TNR: variants seen among roughly 807,000 people sequenced by gnomAD.
The protein encoded by TNR is tenascin R.
In TNR, 45 loss-of-function variants were observed where a neutral mutation model predicts 150.4. The ratio of observed to expected loss-of-function variants is 0.30; its 90% CI spans 0.24 to 0.38. The LOEUF is 0.38. Among genes scored for constraint, TNR ranks in the 10% least tolerant of loss-of-function variants. TNR has a pLI of 1.00. For missense variants in TNR, 1,544 were observed against 1,759.1 expected, an observed-to-expected ratio of 0.88 and a Z score of 2.19; for synonymous variants, 687 against 678.4, an observed-to-expected ratio of 1.01 and a Z score of -0.20.
At chr1:175,486,074 G>A (rs1291158801) in intron 2 of TNR, among the ~76,000 whole-genome samples, 1 of 151,180 alleles carries the variant, frequency 6.6e-6, no homozygotes, top group Non-Finnish European at 1.5e-5. Flanking sequence ...GGTACAGGAT[G>A]GTTTTGGGAT....
intron 1 of TNR, among the ~76,000 whole-genome samples, chr1:175,582,415 A>T (rs945019777): frequency 3.3e-5 from 5 of 152,238 alleles, no homozygotes; most frequent in Non-Finnish European, 7.3e-5. Flanking sequence ...TTAGAGGAAG[A>T]AGTTCCTAAG....
chr1:175,713,601 C>T (rs1320268191), intron 1 of TNR, among the ~76,000 whole-genome samples: 1 of 152,188 alleles, frequency 6.6e-6, no homozygotes, highest in African/African-American at 2.4e-5. Flanking sequence ...CTTCTCATTG[C>T]CTGGCTTCAA....
intron 22 of TNR, 37 bp downstream of exon 22, chr1:175,324,319 T>G: frequency 6.2e-7 from 1 of 1,602,764 alleles, no homozygotes; most frequent in South Asian, 1.1e-5. Context: ...ATTCCACAGC[T>G]CTGGCTCATT....
chr1:175,355,731 C>A, intron 16 of TNR, 98 bp from the exon 17 acceptor site: 1 of 1,537,084 alleles, frequency 6.5e-7, no homozygotes, highest in South Asian at 1.2e-5. Flanking sequence ...TCTTTGGTCT[C>A]AGGATTGCTC....
chr1:175,676,532 T>G (rs2101906935), intron 1 of TNR, among the ~76,000 whole-genome samples: 1 of 152,122 alleles, frequency 6.6e-6, no homozygotes, highest in East Asian at 1.9e-4. Flanking sequence ...GAACTCTCAT[T>G]GGAACTGAAA....
chr1:175,411,125 ATG>A (rs1388012563), intron 2 of TNR, among the ~76,000 whole-genome samples: 3 of 152,186 alleles, frequency 2.0e-5, no homozygotes, highest in African/African-American at 7.2e-5. Context: ...TTTCCACCAA[ATG>A]GGAGAATCTA....
At chr1:175,604,414 G>T (rs1055788704) in intron 1 of TNR, among the ~76,000 whole-genome samples, 1 of 152,168 alleles carries the variant, frequency 6.6e-6, no homozygotes, top group Non-Finnish European at 1.5e-5. Context: ...AAGGAACTCC[G>T]GGTTGGAAAT....
intron 1 of TNR, among the ~76,000 whole-genome samples, chr1:175,703,041 AGAAG>A (rs1258686044): frequency 6.6e-6 from 1 of 151,018 alleles, no homozygotes; most frequent in Non-Finnish European, 1.5e-5. Flanking sequence ...TTTAAATAAA[AGAAG>A]GAAGGAAAGA....
intron 1 of TNR, among the ~76,000 whole-genome samples, chr1:175,722,720 C>T (rs1667341894): frequency 6.6e-6 from 1 of 152,080 alleles, no homozygotes; most frequent in Non-Finnish European, 1.5e-5. Flanking sequence ...CTGCCTCAGC[C>T]TTCCAAAGTG....
chr1:175,651,973 T>C (rs1312712245), intron 1 of TNR, among the ~76,000 whole-genome samples: 1 of 150,858 alleles, frequency 6.6e-6, no homozygotes, highest in Non-Finnish European at 1.5e-5. Flanking sequence ...TTTTAATATA[T>C]TCAAAAAAGG....
chr1:175,740,232 G>T (rs1048865590), intron 1 of TNR, among the ~76,000 whole-genome samples: 5 of 152,160 alleles, frequency 3.3e-5, no homozygotes, highest in Non-Finnish European at 7.3e-5. Flanking sequence ...GCAAAATGTA[G>T]CAGCATAAGC....
chr1:175,721,803 C>A (rs538782968), intron 1 of TNR, among the ~76,000 whole-genome samples: 1 of 152,070 alleles, frequency 6.6e-6, no homozygotes, highest in Admixed American at 6.5e-5. Context: ...TCTCATCCTG[C>A]GCATCCACTC....
rs951327310 is a variant in TNR, at chr1:175,599,396, G to A, written c.-164-71027C>T. On this transcript the variant is annotated intron_variant, in intron 1 of 22. Transcript: ENST00000367674. The surrounding 1 kb of genome is among the most constrained non-coding windows in gnomAD (Gnocchi z 4.7). ...ACACCTCAGGCAGTCGGAGGGGCCC[G>A]GCGGAGCTGTGTTCGTGTTGTCATG... Among the ~76,000 whole-genome samples the A allele has an allele frequency of 1.3e-5, 2 of 152,254 alleles. No homozygotes were observed. The highest frequency in any genetic ancestry group is 1.9e-4 in the East Asian group (1 of 5,198).
chr1:175,453,851 T>G (rs982705869), intron 2 of TNR, among the ~76,000 whole-genome samples: 4 of 152,138 alleles, frequency 2.6e-5, no homozygotes, highest in Non-Finnish European at 5.9e-5. Flanking sequence ...GGTGTTACAG[T>G]CATGAGCCAC....
At chr1:175,386,980 T>C (rs1172435912) in intron 7 of TNR, among the ~76,000 whole-genome samples, 2 of 152,224 alleles carry the variant, frequency 1.3e-5, no homozygotes, top group African/African-American at 4.8e-5. Context: ...TGCATATTTC[T>C]ACAGCAGAAG....
chr1:175,740,085 G>A (rs1290348972), intron 1 of TNR, among the ~76,000 whole-genome samples: 1 of 152,186 alleles, frequency 6.6e-6, no homozygotes, highest in Non-Finnish European at 1.5e-5. Flanking sequence ...TCAAGGCTGG[G>A]GAGCAGAATG....
At chr1:175,740,717 C>T (rs1667903462) in intron 1 of TNR, among the ~76,000 whole-genome samples, 3 of 152,334 alleles carry the variant, frequency 2.0e-5, no homozygotes, top group South Asian at 2.1e-4. Context: ...TTTCCCACTC[C>T]TCTTCTAGTG....
intron 2 of TNR, among the ~76,000 whole-genome samples, chr1:175,421,309 C>A (rs1313170734): frequency 6.6e-6 from 1 of 152,200 alleles, no homozygotes. Context: ...TTGATTCTTT[C>A]CTTGGAGTAC....
At chr1:175,504,318 G>T (rs1346210029) in intron 2 of TNR, among the ~76,000 whole-genome samples, 1 of 152,066 alleles carries the variant, frequency 6.6e-6, no homozygotes, top group Admixed American at 6.6e-5. Context: ...TGCAAGGTAG[G>T]TACCATTAGT....
Sources: allele counts gnomAD v4.1 joint callset (sites outside exome capture counted in the v4.1 genomes callset), GRCh38; gene constraint gnomAD v4.1.1; non-coding constraint Gnocchi (gnomAD v3.1); transcripts MANE v1.5; gene names NCBI Gene and HGNC (gene_info 2026-07-23, HGNC 2026-07-21).